Variants in EGLN1 observed in about 807,000 individuals in gnomAD.
EGLN1 encodes the protein egl-9 family hypoxia inducible factor 1, also known as egl nine homolog 1.
A neutral mutation model predicts 38.3 loss-of-function variants in EGLN1; 17 were observed. The observed-to-expected ratio is 0.44, with a 90% CI of 0.30 to 0.67. The LOEUF (loss-of-function observed/expected upper bound fraction) is 0.67. Ranked by LOEUF, EGLN1 falls within the 30% of genes least tolerant of loss-of-function variation. The pLI is 0.08. For missense variants in EGLN1, 477 were observed against 603.3 expected, an observed-to-expected ratio of 0.79 and a Z score of 2.19; for synonymous variants, 283 against 257.5, an observed-to-expected ratio of 1.10 and a Z score of -0.95.
intron 1 of EGLN1, among the ~76,000 whole-genome samples, chr1:231,394,696 A>G (rs1332594364): frequency 6.6e-6 from 1 of 151,636 alleles, no homozygotes; most frequent in East Asian, 1.9e-4. Context: ...GCCAGTCCCA[A>G]TTTTCTTATT....
At chr1:231,383,174 T>C (rs1688115752) in intron 1 of EGLN1, among the ~76,000 whole-genome samples, 1 of 151,820 alleles carries the variant, frequency 6.6e-6, no homozygotes, top group South Asian at 2.1e-4. Context: ...TCCTAATAAA[T>C]TTTTTTTGTG....
chr1:231,407,141 A>C (rs1040220975), intron 1 of EGLN1, among the ~76,000 whole-genome samples: 1 of 152,162 alleles, frequency 6.6e-6, no homozygotes, highest in East Asian at 1.9e-4. Context: ...AAATGTTTGA[A>C]TGTGTGAGAA....
intron 1 of EGLN1, among the ~76,000 whole-genome samples, chr1:231,390,570 A>G (rs183633930): frequency 1.3e-5 from 2 of 152,342 alleles, no homozygotes; most frequent in Admixed American, 6.5e-5. Flanking sequence ...GTTGGACTCT[A>G]TATTCCAGTT....
intron 1 of EGLN1, among the ~76,000 whole-genome samples, chr1:231,399,503 G>GATA (rs1331169344): frequency 6.6e-6 from 1 of 152,166 alleles, no homozygotes; most frequent in Non-Finnish European, 1.5e-5. Flanking sequence ...CAGCAAAGAA[G>GATA]GAATGGTTCA....
chr1:231,375,666 C>T (rs1687939675), intron 1 of EGLN1, among the ~76,000 whole-genome samples: 1 of 152,182 alleles, frequency 6.6e-6, no homozygotes, highest in African/African-American at 2.4e-5. Context: ...CTTCTTTCAG[C>T]ACTGGAGGTT....
chr1:231,384,047 G>T (rs1688135056), intron 1 of EGLN1, among the ~76,000 whole-genome samples: 1 of 152,100 alleles, frequency 6.6e-6, no homozygotes, highest in South Asian at 2.1e-4. Context: ...AAAGGTTATG[G>T]ACACACTGCT....
chr1:231,398,078 G>C (rs868727248), intron 1 of EGLN1, among the ~76,000 whole-genome samples: 2 of 152,164 alleles, frequency 1.3e-5, no homozygotes, highest in Non-Finnish European at 2.9e-5. Flanking sequence ...ATTATTTCTG[G>C]AATCTTTGTA....
rs140218537 is a variant in EGLN1 at position 231,412,126 on chromosome 1, C to T, written c.891+8872G>A. ...GGTACTTTTATTTGCAATTCCAATG[C>T]CAGGCTCCACATCAAAGGGATGAAA... On this transcript the variant is annotated intron_variant, in intron 1 of 4. Transcript: ENST00000366641. Among the ~76,000 whole-genome samples the T allele has an allele frequency of 6.2e-4, 93 of 149,718 alleles. No individual in the cohort carries two copies. The East Asian group carries it at 0.014, about 22-fold the overall frequency.
chr1:231,365,246 A>T lies in EGLN1; in HGVS notation c.*1165T>A, dbSNP rs1391266196. On this transcript the variant is annotated 3_prime_UTR_variant, in exon 5 of 5. Transcript: ENST00000366641. The stretch of plus-strand genomic sequence containing the variant: ...GTATTAGGAAAAAAACATAACAGCA[A>T]ATTTGGAAGTACAATCAATTTAAGG... 6.6e-6 allele frequency: 1 copy of T among 152,212 alleles called. No individual in the cohort carries two copies. The highest frequency in any genetic ancestry group is 2.4e-5 in the African/African-American group (1 of 41,450). 9.4% of individuals were successfully genotyped at this position (152,212 alleles called of 1,614,324 possible). A position where few individuals can be genotyped will look rare whatever the true frequency, so the allele number is the denominator to read the frequency against.
intron 1 of EGLN1, among the ~76,000 whole-genome samples, chr1:231,413,344 G>A (rs887351518): frequency 5.3e-5 from 8 of 151,922 alleles, no homozygotes; most frequent in Admixed American, 3.9e-4. Flanking sequence ...CCAAAGTGCC[G>A]TGCTTGCTGT....
At chr1:231,385,404 T>G (rs1445658441) in intron 1 of EGLN1, among the ~76,000 whole-genome samples, 1 of 152,116 alleles carries the variant, frequency 6.6e-6, no homozygotes, top group African/African-American at 2.4e-5. Flanking sequence ...GGGAGAAGGT[T>G]GGGATCAGGA....
chr1:231,373,931 G>A (rs767148286), intron 2 of EGLN1, 49 bp downstream of exon 2: 1 of 1,606,962 alleles, frequency 6.2e-7, no homozygotes, highest in Non-Finnish European at 8.5e-7. Context: ...ATGCTTTTGA[G>A]AAAAAGACAC....
chr1:231,398,886 A>G (rs892550669), intron 1 of EGLN1, among the ~76,000 whole-genome samples: 1 of 152,232 alleles, frequency 6.6e-6, no homozygotes, highest in African/African-American at 2.4e-5. Context: ...GAATGAATCA[A>G]TTCAATGCTA....
intron 1 of EGLN1, among the ~76,000 whole-genome samples, chr1:231,391,102 G>GTGTGAGAGAGACAGGGAACTCATTCTGT (rs1688368403): frequency 2.8e-5 from 4 of 143,846 alleles, no homozygotes; most frequent in Admixed American, 1.4e-4. Flanking sequence ...TTGTGTGTGT[G>GTGTGAGAGAGACAGGGAACTCATTCTGT]TGTGTGTGTG....
At chr1:231,389,406 G>GA (rs112313323) in intron 1 of EGLN1, among the ~76,000 whole-genome samples, 16 of 150,018 alleles carry the variant, frequency 1.1e-4, no homozygotes, top group African/African-American at 3.9e-4. Flanking sequence ...TTGACAAAAT[G>GA]AAAAAAAATT....
At chr1:231,398,756 A>G (rs1275236566) in intron 1 of EGLN1, among the ~76,000 whole-genome samples, 3 of 152,204 alleles carry the variant, frequency 2.0e-5, no homozygotes, top group African/African-American at 7.2e-5. Context: ...ACTGGGGGAA[A>G]AAATACACAC....
chr1:231,366,828 T>C (rs1404105248), intron 4 of EGLN1, among the ~76,000 whole-genome samples: 1 of 152,232 alleles, frequency 6.6e-6, no homozygotes, highest in Non-Finnish European at 1.5e-5. Flanking sequence ...TGCATGAATA[T>C]TCCATTTTTA....
intron 1 of EGLN1, among the ~76,000 whole-genome samples, chr1:231,404,861 T>A (rs1688748953): frequency 6.6e-6 from 1 of 152,008 alleles, no homozygotes; most frequent in Non-Finnish European, 1.5e-5. Context: ...TCAGCTGGAG[T>A]TATTTCATTA....
intron 1 of EGLN1, among the ~76,000 whole-genome samples, chr1:231,416,436 ATTTTTTTT>A (rs34818710): frequency 7.0e-6 from 1 of 141,900 alleles, no homozygotes; most frequent in African/African-American, 2.7e-5. Flanking sequence ...CAAAAAAAAA[ATTTTTTTT>A]TTTTTTTTGA....
Sources: gnomAD v4.1 joint callset for allele counts (sites outside exome capture counted in the v4.1 genomes callset) on GRCh38, gnomAD v4.1.1 for gene constraint, MANE v1.5 for transcripts, NCBI Gene and HGNC (gene_info 2026-07-23, HGNC 2026-07-21) for gene names.